Variants in DOCK9 observed in about 807,000 individuals in gnomAD.
DOCK9 encodes the protein dedicator of cytokinesis protein 9.
Under a neutral mutation model 263.3 loss-of-function variants are expected in DOCK9, and 89 were observed. The observed-to-expected ratio is 0.34, with a 90% confidence interval of 0.28 to 0.40. DOCK9 has a LOEUF of 0.40. DOCK9 is among the 10% of genes least tolerant of loss of function. The pLI, the probability that DOCK9 is intolerant of heterozygous loss-of-function variation, is 1.00. For missense variants in DOCK9, 2,140 were observed against 2,603.4 expected, an observed-to-expected ratio of 0.82 and a Z score of 3.87; for synonymous variants, 976 against 973.1, an observed-to-expected ratio of 1.00 and a Z score of -0.06.
chr13:98,854,969 G>A (rs1188046166), intron 34 of DOCK9, among the ~76,000 whole-genome samples: 1 of 152,180 alleles, frequency 6.6e-6, no homozygotes, highest in African/African-American at 2.4e-5. Context: ...ATTGGGATGG[G>A]CACTTGCCTG....
At chr13:99,002,325 C>T (rs537599611) in intron 1 of DOCK9, among the ~76,000 whole-genome samples, 4 of 152,256 alleles carry the variant, frequency 2.6e-5, no homozygotes, top group South Asian at 4.1e-4. Context: ...CAGGCTTGAA[C>T]ATAAATTTCT....
chr13:98,977,943 A>T lies in DOCK9; in HGVS notation c.-34T>A. ...GAAAACGCAAGTCAGAAAGTCTGCA[A>T]CTGGAACAGCTGCGAGTCCCTGGCC... On this transcript the variant is annotated 5_prime_UTR_variant, in exon 1 of 53. It adds an upstream start codon to the 5' untranslated region. Coordinates refer to ENST00000682017, the MANE Select transcript of DOCK9 (RefSeq NM_001366683.2). The T allele has an allele frequency of 6.4e-7, 1 of 1,554,566 alleles. No individual in the cohort carries two copies. Among genetic ancestry groups the T allele is most frequent in the Non-Finnish European group, 8.7e-7 (1 of 1,148,520 alleles).
chr13:98,993,826 G>A (rs1306343265), intron 1 of DOCK9, among the ~76,000 whole-genome samples: 1 of 152,136 alleles, frequency 6.6e-6, no homozygotes, highest in Non-Finnish European at 1.5e-5. Context: ...TTTATTAAAT[G>A]TTTTCTCTCA....
chr13:99,034,635 G>A (rs1343498258), intron 1 of DOCK9, among the ~76,000 whole-genome samples: 2 of 152,174 alleles, frequency 1.3e-5, no homozygotes, highest in African/African-American at 4.8e-5. Context: ...CTGAAACACC[G>A]CAGCACTCAA....
At chr13:99,029,980 T>C (rs1887160789) in intron 1 of DOCK9, among the ~76,000 whole-genome samples, 1 of 152,208 alleles carries the variant, frequency 6.6e-6, no homozygotes, top group Admixed American at 6.5e-5. Context: ...GAAGTACTGA[T>C]ACATGCTACA....
chr13:99,019,956 G>T (rs1191139702), intron 1 of DOCK9, among the ~76,000 whole-genome samples: 5 of 152,120 alleles, frequency 3.3e-5, no homozygotes, highest in Non-Finnish European at 7.4e-5. Flanking sequence ...CAAAAAACTG[G>T]CCAGGCATGG....
chr13:98,869,135 C>T (rs1044943248), intron 27 of DOCK9, among the ~76,000 whole-genome samples: 2 of 152,152 alleles, frequency 1.3e-5, no homozygotes, highest in African/African-American at 4.8e-5. Context: ...TTTTGATGAC[C>T]GTGCATGATT....
At chr13:98,978,172 G>C, upstream of DOCK9, 1 of 1,211,532 alleles carries the variant, frequency 8.3e-7, no homozygotes, top group Non-Finnish European at 1.1e-6. Context: ...ACTCCAAGCT[G>C]AACAATACAC....
intron 1 of DOCK9, among the ~76,000 whole-genome samples, chr13:99,057,319 G>A (rs1157707960): frequency 6.6e-6 from 1 of 152,148 alleles, no homozygotes; most frequent in Non-Finnish European, 1.5e-5. Flanking sequence ...AAAATGTTAC[G>A]AGTTGACATA....
At chr13:98,942,124 T>C (rs150395405) in intron 2 of DOCK9, among the ~76,000 whole-genome samples, 259 of 152,332 alleles carry the variant, frequency 1.7e-3, no homozygotes, top group East Asian at 4.4e-3. Context: ...ACCAACTCTT[T>C]CATGTGCATT....
rs1040213063 is a variant in DOCK9 at position 98,888,421 on chromosome 13, G to C, written c.1916C>G (p.Thr639Ser). ...CTTAGGATAAACGTAAAGGTGATTGGTGTAGATGGTGTAAGGCTGAGTGTG... is the reference window on the plus strand; with the variant it reads ...CTTAGGATAAACGTAAAGGTGATTGCTGTAGATGGTGTAAGGCTGAGTGTG... Reference protein sequence around the residue: ...PKHTQPYTIYTNHLYVYPKYL... With the variant: ...PKHTQPYTIYSNHLYVYPKYL... The change falls in exon 17 of 53, where the codon ACC (threonine) becomes AGC (serine). Residue 639 changes from threonine to serine, a missense_variant. Physicochemically the swap from Thr to Ser is moderately conservative, Grantham distance 58. Around this residue, in one of 2 missense-constraint regions of DOCK9, gnomAD observed 1,521 missense variants for 1,741.7 expected, o/e 0.87. Coordinates refer to ENST00000682017, the MANE Select transcript of DOCK9 (RefSeq NM_001366683.2). 6.2e-7 allele frequency: 1 copy of C among 1,613,892 alleles called. No homozygotes were observed. Among genetic ancestry groups the C allele is most frequent in the Admixed American group, 1.7e-5 (1 of 60,016 alleles).
intron 37 of DOCK9, 61 bp from the exon 38 acceptor site, chr13:98,846,121 G>A (rs1224498927): frequency 2.2e-5 from 34 of 1,531,064 alleles, no homozygotes; most frequent in Non-Finnish European, 2.8e-5. Context: ...GCAGCGAGAC[G>A]GGGAGTGTTA....
intron 1 of DOCK9, among the ~76,000 whole-genome samples, chr13:99,034,240 T>C (rs1440909156): frequency 2.0e-5 from 3 of 152,102 alleles, no homozygotes; most frequent in African/African-American, 4.8e-5. Flanking sequence ...ATTTCCCCAG[T>C]TTCCCCCAAC....
chr13:98,885,436 T>G, intron 20 of DOCK9: 2 of 532,024 alleles, frequency 3.8e-6, no homozygotes, highest in Non-Finnish European at 6.8e-6. Context: ...AAATCCCGTC[T>G]CTACAAAAAA....
intron 45 of DOCK9, chr13:98,820,788 T>C (rs1207954305): frequency 3.8e-6 from 1 of 262,766 alleles, no homozygotes; most frequent in Non-Finnish European, 7.5e-6. Flanking sequence ...GTAAACATTA[T>C]TAATTTGATC....
chr13:98,978,400 G>A (rs1333937149), upstream of DOCK9, among the ~76,000 whole-genome samples: 1 of 152,168 alleles, frequency 6.6e-6, no homozygotes, highest in African/African-American at 2.4e-5. Context: ...GCTTTCATTT[G>A]TGTTATGGTT....
Position 98,855,938 on chromosome 13 carries a change from A to G in DOCK9, c.3791T>C (p.Leu1264Pro). 1 of 1,614,036 alleles carries G rather than the reference A, an allele frequency of 6.2e-7. No individual in the cohort carries two copies. Among genetic ancestry groups the G allele is most frequent in the African/African-American group, 1.3e-5 (1 of 75,054 alleles). ...SLISTDSGNS[L>P]PERNSEKSNS... ...GCTCTTCTCACTATTCCTTTCTGGAAGGCTGTTACCCGAATCTGTGCTTAT... is the reference window on the plus strand; with the variant it reads ...GCTCTTCTCACTATTCCTTTCTGGAGGGCTGTTACCCGAATCTGTGCTTAT... The change falls in exon 34 of 53, where the codon CTT becomes CCT. Residue 1264 changes from leucine (L) to proline (P), a missense_variant. Transcript: ENST00000682017.
intron 1 of DOCK9, among the ~76,000 whole-genome samples, chr13:99,070,362 T>C (rs1415242211): frequency 6.6e-6 from 1 of 152,130 alleles, no homozygotes; most frequent in East Asian, 1.9e-4. Context: ...AAAAAACAAA[T>C]CATATTCCTA....
At chr13:98,891,942 C>T (rs540762921) in intron 15 of DOCK9, among the ~76,000 whole-genome samples, 167 of 152,198 alleles carry the variant, frequency 1.1e-3, no homozygotes, top group Middle Eastern at 6.8e-3. Context: ...ATTTTACTGC[C>T]TTTTTATGCA....
Sources: allele counts gnomAD v4.1 joint callset (sites outside exome capture counted in the v4.1 genomes callset), GRCh38; gene constraint gnomAD v4.1.1; regional missense constraint gnomAD v4.1.1; transcripts MANE v1.5; gene names NCBI Gene and HGNC (gene_info 2026-07-23, HGNC 2026-07-21).